The following NCAPG2 variants were observed in gnomAD, a reference collection of about 807,000 sequenced individuals.
NCAPG2 encodes the protein non-SMC condensin II complex subunit G2.
Under a neutral mutation model 141.1 loss-of-function variants are expected in NCAPG2, and 53 were observed. The ratio of observed to expected loss-of-function variants is 0.38; its 90% CI spans 0.30 to 0.47. The LOEUF (loss-of-function observed/expected upper bound fraction) is 0.47. NCAPG2 is among the 20% of genes least tolerant of loss of function. The pLI is 0.99. For synonymous variants in NCAPG2, 499 were observed against 490.7 expected, an observed-to-expected ratio of 1.02 and a Z score of -0.22; for missense variants, 1,087 against 1,389.0, an observed-to-expected ratio of 0.78 and a Z score of 3.46.
chr7:158,653,452 T>C (rs1285665710), intron 22 of NCAPG2, among the ~76,000 whole-genome samples: 1 of 152,050 alleles, frequency 6.6e-6, no homozygotes, highest in Non-Finnish European at 1.5e-5. Flanking sequence ...ATATTTACTC[T>C]TAAACTTTAG....
rs917576432 is a variant in NCAPG2, at chr7:158,680,059, A to G, written c.1047T>C (p.Asn349=). 3.7e-6 allele frequency: 6 copies of G among 1,614,028 alleles called. No individual in the cohort carries two copies. Among genetic ancestry groups the G allele is most frequent in the Non-Finnish European group, 4.2e-6 (5 of 1,179,902 alleles). ...ATGCTTCAACAAACAACAATGCAGC[A>G]TTTGATCGAACTTCAGAGTTTCTGG... ...LKARNSEVRS[N]AALLFVEAFP... The change falls in exon 11 of 28, where the codon AAT becomes AAC. Residue 349 remains asparagine, a synonymous_variant. Coordinates refer to ENST00000356309, the MANE Select transcript of NCAPG2 (RefSeq NM_017760.7).
chr7:158,703,633 G>A (rs1835948491), intron 1 of NCAPG2: 1 of 152,200 alleles, frequency 6.6e-6, no homozygotes, highest in Non-Finnish European at 1.5e-5. Context: ...TACTTTCAAG[G>A]TAAGGAGTCA....
intron 8 of NCAPG2, among the ~76,000 whole-genome samples, chr7:158,683,764 C>T (rs1448327444): frequency 3.3e-5 from 5 of 152,234 alleles, no homozygotes; most frequent in Non-Finnish European, 5.9e-5. Context: ...CTTCAGAAGA[C>T]TGGATTTGTT....
chr7:158,677,525 C>CAAAAAAAAAAAAAAAAAAGAAA (rs1834143707), intron 11 of NCAPG2, among the ~76,000 whole-genome samples: 4 of 90,402 alleles, frequency 4.4e-5, no homozygotes, highest in African/African-American at 9.1e-5. Context: ...AAAAATAAAG[C>CAAAAAAAAAAAAAAAAAAGAAA]AAAAAAAAAA....
chr7:158,663,743 G>T (rs931161211), intron 15 of NCAPG2, among the ~76,000 whole-genome samples: 1 of 152,256 alleles, frequency 6.6e-6, no homozygotes, highest in African/African-American at 2.4e-5. Flanking sequence ...AGAAGCTTAA[G>T]ATAATGCTTA....
chr7:158,664,471 G>T (rs1186781764), intron 14 of NCAPG2, 57 bp downstream of exon 14: 1 of 1,571,284 alleles, frequency 6.4e-7, no homozygotes, highest in Non-Finnish European at 8.7e-7. Context: ...TCTGTAATTT[G>T]TATTATGCTT....
At chr7:158,648,386 C>T (rs1260303694) in intron 24 of NCAPG2, among the ~76,000 whole-genome samples, 5 of 147,984 alleles carry the variant, frequency 3.4e-5, no homozygotes. Context: ...ATAAAAGTGA[C>T]AGGAAAGAAA....
chr7:158,693,330 T>A lies in NCAPG2; in HGVS notation c.246A>T (p.Glu82Asp), dbSNP rs778406650. ...VVEAQGEDNM[E>D]TEHGSKMRKS... ...CTACCATTTTTGAGCCATGTTCGGTTTCCATATTGTCTTCACCCTGGGCTT... is the reference window on the plus strand; with the variant it reads ...CTACCATTTTTGAGCCATGTTCGGTATCCATATTGTCTTCACCCTGGGCTT... The change falls in exon 3 of 28, where the codon GAA becomes GAT. Residue 82 changes from glutamate to aspartate, a missense_variant. Transcript: ENST00000356309. 8.1e-6 allele frequency: 13 copies of A among 1,609,700 alleles called. No homozygotes were observed. In the South Asian group the frequency reaches 1.2e-4, roughly 15 times the overall value.
At chr7:158,669,401 C>T (rs1284407148) in intron 13 of NCAPG2, among the ~76,000 whole-genome samples, 1 of 152,084 alleles carries the variant, frequency 6.6e-6, no homozygotes, top group Non-Finnish European at 1.5e-5. Flanking sequence ...TGTAAAAGCA[C>T]AGAACTACAG....
rs1008406874 is a variant in NCAPG2 at position 158,675,767 on chromosome 7, A to G, written c.1147-111T>C. 10 of 1,110,566 alleles carry G rather than the reference A, an allele frequency of 9.0e-6. No individual in the cohort carries two copies. In the African/African-American group the frequency reaches 1.6e-4, roughly 18 times the overall value. 68.8% of individuals were successfully genotyped at this position (1,110,566 alleles called of 1,614,324 possible). Reference sequence around the variant, plus strand: ...TTCGTAACTTAGAGAAACTTTGAGCATAGAAATACTGGACACATATGGATT... The same window carrying G: ...TTCGTAACTTAGAGAAACTTTGAGCGTAGAAATACTGGACACATATGGATT... On this transcript the variant is annotated intron_variant, in intron 11 of 27. Transcript: ENST00000356309.
chr7:158,667,434 CT>C (rs1563539074), intron 13 of NCAPG2, among the ~76,000 whole-genome samples: 190 of 104,558 alleles, frequency 1.8e-3, no homozygotes, highest in East Asian at 0.01. Context: ...TCCCTCCGCC[CT>C]CCTTACCCAC....
At chr7:158,648,403 C>A (rs1378524611) in intron 24 of NCAPG2, among the ~76,000 whole-genome samples, 1 of 149,326 alleles carries the variant, frequency 6.7e-6, no homozygotes, top group Non-Finnish European at 1.5e-5. Flanking sequence ...GAAAAAAAAA[C>A]AGAAAGACTA....
chr7:158,652,882 A>G (rs1162973198), intron 22 of NCAPG2, among the ~76,000 whole-genome samples: 1 of 152,220 alleles, frequency 6.6e-6, no homozygotes, highest in Non-Finnish European at 1.5e-5. Flanking sequence ...AACTGGCTAC[A>G]CTGGAGATCT....
intron 24 of NCAPG2, among the ~76,000 whole-genome samples, chr7:158,647,666 G>T (rs1047286497): frequency 7.3e-5 from 11 of 151,630 alleles, no homozygotes; most frequent in Non-Finnish European, 1.5e-4. Flanking sequence ...TATCTTAGGA[G>T]ATTTCATTTA....
At chr7:158,682,480 AATC>A (rs1022787583) in intron 9 of NCAPG2, among the ~76,000 whole-genome samples, 5 of 152,192 alleles carry the variant, frequency 3.3e-5, no homozygotes, top group Non-Finnish European at 7.4e-5. Context: ...ACTGAAATTA[AATC>A]ATCAATAATG....
chr7:158,641,449 T>C (rs563909783), intron 27 of NCAPG2: 1 of 606,834 alleles, frequency 1.6e-6, no homozygotes, highest in African/African-American at 1.9e-5. Context: ...GGTCTGGTGG[T>C]GTGTGCCTGC....
intron 27 of NCAPG2, among the ~76,000 whole-genome samples, chr7:158,632,812 T>C (rs1433656400): frequency 3.3e-5 from 5 of 152,226 alleles, no homozygotes; most frequent in Non-Finnish European, 7.3e-5. Context: ...ATATATTTTA[T>C]TTAACCCAAC....
At chr7:158,664,973 A>G in intron 13 of NCAPG2, 1 of 489,656 alleles carries the variant, frequency 2.0e-6, no homozygotes, top group Non-Finnish European at 3.6e-6. Context: ...CCCAAGTATT[A>G]GGGTGCTAAG....
chr7:158,667,603 C>T (rs1346326182), intron 13 of NCAPG2, among the ~76,000 whole-genome samples: 4 of 32,062 alleles, frequency 1.2e-4, no homozygotes, highest in Non-Finnish European at 1.7e-4. Context: ...TGGGTCCCTC[C>T]GCCCTCCTTA....
Sources: allele counts gnomAD v4.1 joint callset (sites outside exome capture counted in the v4.1 genomes callset), GRCh38; gene constraint gnomAD v4.1.1; transcripts MANE v1.5; gene names NCBI Gene and HGNC (gene_info 2026-07-23, HGNC 2026-07-21).